SOX6: variants seen among roughly 807,000 people sequenced by gnomAD.
The protein encoded by SOX6 is transcription factor SOX-6.
A neutral mutation model predicts 97.8 loss-of-function variants in SOX6; 11 were observed. That is an observed-to-expected ratio of 0.11 (90% CI 0.07 to 0.19). The LOEUF (loss-of-function observed/expected upper bound fraction) is 0.19, where lower values mean the gene tolerates loss of function less well. Ranked by LOEUF, SOX6 falls within the 10% of genes least tolerant of loss-of-function variation. The pLI, the probability that SOX6 is intolerant of heterozygous loss-of-function variation, is 1.00. For synonymous variants in SOX6, 360 were observed against 371.4 expected, an observed-to-expected ratio of 0.97 and a Z score of 0.35; for missense variants, 810 against 1,039.5, an observed-to-expected ratio of 0.78 and a Z score of 3.04.
intron 9 of SOX6, 94 bp downstream of exon 9, chr11:16,095,902 T>C: frequency 2.2e-6 from 3 of 1,349,542 alleles, no homozygotes; most frequent in East Asian, 4.7e-5. Context: ...TTAGGTTGAG[T>C]GTTTGCCACT....
At chr11:16,672,488 A>G (rs573446147) in intron 3 of SOX6, among the ~76,000 whole-genome samples, 2 of 152,338 alleles carry the variant, frequency 1.3e-5, no homozygotes, top group South Asian at 4.1e-4. Context: ...AGGCCTCACA[A>G]TCATGATGGA....
intron 11 of SOX6, 79 bp downstream of exon 11, chr11:16,049,676 G>GT (rs746418201): frequency 2.6e-6 from 4 of 1,522,006 alleles, no homozygotes; most frequent in Non-Finnish European, 3.6e-6. Context: ...TTGGAAACAA[G>GT]TATCAGTCGT....
intron 6 of SOX6, among the ~76,000 whole-genome samples, chr11:16,169,786 C>A (rs1360225399): frequency 6.6e-6 from 1 of 152,082 alleles, no homozygotes; most frequent in African/African-American, 2.4e-5. Context: ...TCCCCTCCCC[C>A]TCTAGTGAAT....
intron 13 of SOX6, among the ~76,000 whole-genome samples, chr11:16,007,377 T>C (rs1032824737): frequency 6.6e-6 from 1 of 152,090 alleles, no homozygotes; most frequent in African/African-American, 2.4e-5. Context: ...CACCATCATA[T>C]ATGTGGGCCA....
chr11:16,524,758 T>C (rs1354922043), intron 4 of SOX6, among the ~76,000 whole-genome samples: 2 of 152,164 alleles, frequency 1.3e-5, no homozygotes, highest in African/African-American at 4.8e-5. Context: ...AAAATCTCCT[T>C]AGCTGATAAG....
intron 1 of SOX6, among the ~76,000 whole-genome samples, chr11:16,410,825 T>C (rs1388816482): frequency 7.4e-6 from 1 of 135,972 alleles, no homozygotes; most frequent in Non-Finnish European, 1.6e-5. Context: ...CAGGTAAAAA[T>C]GAAAACAGAT....
chr11:16,350,429 C>T (rs1008977979), intron 1 of SOX6, among the ~76,000 whole-genome samples: 1 of 152,138 alleles, frequency 6.6e-6, no homozygotes, highest in Non-Finnish European at 1.5e-5. Context: ...TTTAGAAAAA[C>T]ATCTTTTTCC....
chr11:16,431,371 A>G (rs1859268991), intron 1 of SOX6, among the ~76,000 whole-genome samples: 1 of 152,128 alleles, frequency 6.6e-6, no homozygotes, highest in Non-Finnish European at 1.5e-5. Context: ...TACCCAGCAC[A>G]TAGTTGACTC....
chr11:16,402,705 C>T (rs772829431), intron 1 of SOX6: 2 of 1,610,944 alleles, frequency 1.2e-6, no homozygotes, highest in Non-Finnish European at 1.7e-6. Flanking sequence ...TTTCACCTGA[C>T]TAAACTGTAG....
intron 1 of SOX6, among the ~76,000 whole-genome samples, chr11:16,405,590 T>C (rs1413479191): frequency 6.6e-6 from 1 of 151,988 alleles, no homozygotes; most frequent in East Asian, 1.9e-4. Flanking sequence ...AGAGAGTAAA[T>C]GAAATAGCAA....
intron 2 of SOX6, among the ~76,000 whole-genome samples, chr11:16,329,575 A>T (rs1461183999): frequency 6.6e-6 from 1 of 152,236 alleles, no homozygotes; most frequent in African/African-American, 2.4e-5. Flanking sequence ...ATATAAGCTC[A>T]GACAAGTTAG....
intron 4 of SOX6, among the ~76,000 whole-genome samples, chr11:16,552,867 A>G (rs1001511371): frequency 9.9e-5 from 15 of 152,224 alleles, no homozygotes; most frequent in African/African-American, 2.9e-4. Context: ...TAAATATTAC[A>G]TAAGTCTGAC....
chr11:16,237,246 C>T (rs1379282286), intron 3 of SOX6, among the ~76,000 whole-genome samples: 1 of 151,910 alleles, frequency 6.6e-6, no homozygotes, highest in East Asian at 1.9e-4. Flanking sequence ...AAGCATTCTC[C>T]ACGTAATAAT....
chr11:16,228,432 A>C (rs1413201317), intron 4 of SOX6, among the ~76,000 whole-genome samples: 2 of 152,170 alleles, frequency 1.3e-5, no homozygotes, highest in Non-Finnish European at 2.9e-5. Context: ...AGGAGGCTAC[A>C]TATGAAAAAA....
intron 6 of SOX6, among the ~76,000 whole-genome samples, chr11:16,159,217 C>G (rs1309479301): frequency 3.9e-5 from 6 of 152,028 alleles, no homozygotes; most frequent in Admixed American, 2.0e-4. Context: ...ATGCTCCCAG[C>G]TGTGTTTAAA....
At chr11:16,086,705 A>G (rs1262546403) in intron 9 of SOX6, among the ~76,000 whole-genome samples, 1 of 152,208 alleles carries the variant, frequency 6.6e-6, no homozygotes, top group Admixed American at 6.5e-5. Context: ...TCTGGCATTC[A>G]GCAAAAACAT....
At chr11:16,358,068 C>T (rs903041590), upstream of SOX6, among the ~76,000 whole-genome samples, 25 of 152,144 alleles carry the variant, frequency 1.6e-4, no homozygotes, top group African/African-American at 5.1e-4. Flanking sequence ...AAGGTCACAG[C>T]ATTTGCAACA....
intron 11 of SOX6, among the ~76,000 whole-genome samples, chr11:16,048,605 T>C (rs1391496195): frequency 6.6e-6 from 1 of 152,182 alleles, no homozygotes; most frequent in Non-Finnish European, 1.5e-5. Flanking sequence ...TAATATACTA[T>C]CTAACTCATA....
intron 3 of SOX6, among the ~76,000 whole-genome samples, chr11:16,704,419 T>C (rs1276902374): frequency 1.3e-5 from 2 of 149,724 alleles, no homozygotes; most frequent in Non-Finnish European, 3.0e-5. Flanking sequence ...AGGCTCTTAT[T>C]AAAAAAAAAA....
Sources: allele counts gnomAD v4.1 joint callset (sites outside exome capture counted in the v4.1 genomes callset), GRCh38; gene constraint gnomAD v4.1.1; transcripts MANE v1.5; gene names NCBI Gene and HGNC (gene_info 2026-07-23, HGNC 2026-07-21).